SAMD5: variants seen among roughly 807,000 people sequenced by gnomAD.
The protein encoded by SAMD5 is sterile alpha motif domain containing 5, also known as sterile alpha motif domain-containing protein 5.
SAMD5 carries 13 observed loss-of-function variants against 11.3 expected under a neutral mutation model. The observed-to-expected ratio is 1.15, with a 90% confidence interval of 0.75 to 1.83. SAMD5 has a LOEUF of 1.83. Ranked by LOEUF, SAMD5 falls within the 40% of genes most tolerant of loss-of-function variation. The probability of loss-of-function intolerance (pLI) is 0.00; values close to 1 mark genes in which losing one functional copy is unlikely to be tolerated. For synonymous variants in SAMD5, 129 were observed against 111.3 expected (o/e 1.16, Z -1.00); for missense variants, 255 against 239.1 (o/e 1.07, Z -0.44).
chr6:147,638,154 T>C (rs929456445), intron 1 of SAMD5, among the ~76,000 whole-genome samples: 10 of 152,122 alleles, frequency 6.6e-5, no homozygotes, highest in Non-Finnish European at 1.5e-4. Flanking sequence ...GGGAAAAATA[T>C]AGCGTAATGC....
At chr6:147,587,979 G>T (rs943085806) in intron 1 of SAMD5, among the ~76,000 whole-genome samples, 1 of 152,098 alleles carries the variant, frequency 6.6e-6, no homozygotes, top group Non-Finnish European at 1.5e-5. Flanking sequence ...AAAATATGTC[G>T]TGGATCTACT....
the SAMD5 span, among the ~76,000 whole-genome samples, chr6:147,787,290 G>GT: frequency 6.6e-6 from 1 of 152,160 alleles, no homozygotes; most frequent in African/African-American, 2.4e-5. Context: ...GAGCAGGACA[G>GT]TGCCTCTAGA....
chr6:147,856,627 C>T, the SAMD5 span, among the ~76,000 whole-genome samples: 30 of 152,278 alleles, frequency 2.0e-4, no homozygotes, highest in African/African-American at 7.2e-4. Context: ...ACTTGGACTA[C>T]CACCAGAAAC....
the SAMD5 span, among the ~76,000 whole-genome samples, chr6:147,909,165 C>T: frequency 0.1 from 15,909 of 152,170 alleles, 1,103 homozygotes; most frequent in South Asian, 0.29. Context: ...GCTTTGCTTG[C>T]GCCACCACAC....
chr6:147,951,620 G>T, the SAMD5 span, among the ~76,000 whole-genome samples: 1 of 152,010 alleles, frequency 6.6e-6, no homozygotes, highest in Non-Finnish European at 1.5e-5. Flanking sequence ...GGGTTCCAGG[G>T]GATTGTGTGT....
At chr6:147,797,158 G>A in the SAMD5 span, among the ~76,000 whole-genome samples, 2 of 122,578 alleles carry the variant, frequency 1.6e-5, no homozygotes, top group African/African-American at 7.5e-5. Flanking sequence ...TTTTCAAAGG[G>A]AATGCTTCCA....
At chr6:147,603,793 A>C (rs538123711) in intron 1 of SAMD5, among the ~76,000 whole-genome samples, 3 of 152,224 alleles carry the variant, frequency 2.0e-5, no homozygotes, top group South Asian at 4.1e-4. Flanking sequence ...CAAAACAAAA[A>C]AAAACAACAA....
At chr6:147,824,120 A>G in the SAMD5 span, among the ~76,000 whole-genome samples, 1 of 152,130 alleles carries the variant, frequency 6.6e-6, no homozygotes. Flanking sequence ...TTCATTCAAC[A>G]CTTGGGTACT....
chr6:147,671,837 A>C (rs531459945), intron 1 of SAMD5, among the ~76,000 whole-genome samples: 9 of 150,174 alleles, frequency 6.0e-5, no homozygotes, highest in Non-Finnish European at 1.3e-4. Flanking sequence ...GGAAATTTAT[A>C]ATATGCTTTA....
intron 1 of SAMD5, among the ~76,000 whole-genome samples, chr6:147,528,060 C>T (rs1489919708): frequency 6.6e-6 from 1 of 152,024 alleles, no homozygotes; most frequent in East Asian, 1.9e-4. Context: ...GGGGATGCTG[C>T]TACACCATTC....
intron 1 of SAMD5, among the ~76,000 whole-genome samples, chr6:147,675,713 A>G (rs761709821): frequency 5.3e-5 from 8 of 152,212 alleles, no homozygotes; most frequent in Non-Finnish European, 8.8e-5. Context: ...GTCCAGTAAT[A>G]TAACTTAAAT....
At chr6:147,597,494 T>C (rs1789550201) in intron 1 of SAMD5, among the ~76,000 whole-genome samples, 1 of 152,214 alleles carries the variant, frequency 6.6e-6, no homozygotes, top group East Asian at 1.9e-4. Flanking sequence ...CTGTCGTGAA[T>C]TGATAACATT....
the SAMD5 span, among the ~76,000 whole-genome samples, chr6:147,895,099 G>A: frequency 6.6e-6 from 1 of 152,188 alleles, no homozygotes; most frequent in African/African-American, 2.4e-5. Flanking sequence ...TATAGGCATC[G>A]ATTTTATTTG....
At chr6:147,584,826 C>A (rs844556) in intron 1 of SAMD5, among the ~76,000 whole-genome samples, 27,064 of 152,054 alleles carry the variant, frequency 0.18, 2,444 homozygotes, top group Admixed American at 0.21. Flanking sequence ...TTATCCATGG[C>A]AAATATGTTA....
In SAMD5 at chr6:147,719,898, A is replaced by G. The variant is rs559569663; in HGVS notation, c.163-17419A>G. The stretch of plus-strand genomic sequence containing the variant: ...TCTACAGAAAGTTTGAGAGAAATGA[A>G]TAATCCGGGAAGATGCTCCATGCTT... On this transcript the variant is annotated intron_variant, in intron 1 of 1. Transcript: ENST00000566741. Among the ~76,000 whole-genome samples the G allele has an allele frequency of 1.2e-3, 177 of 152,342 alleles. 2 individuals carry two copies. The highest frequency in any genetic ancestry group is 2.0e-3 in the Non-Finnish European group (138 of 68,034).
At chr6:147,626,791 G>GAAAAAAAAAAAAAAAAAAAAAAAAAAAA (rs529975933) in intron 1 of SAMD5, among the ~76,000 whole-genome samples, 18 of 54,728 alleles carry the variant, frequency 3.3e-4, no homozygotes, top group Non-Finnish European at 6.7e-4. Flanking sequence ...CTGTTTCTAT[G>GAAAAAAAAAAAAAAAAAAAAAAAAAAAA]AAAAAAAAAA....
In SAMD5 at chr6:147,546,399, G is replaced by A. The variant is rs138633009; in HGVS notation, c.460-17995G>A. Among the ~76,000 whole-genome samples, 450 of 152,162 alleles carry A rather than the reference G, an allele frequency of 3.0e-3. 1 individual carries two copies. The highest frequency in any genetic ancestry group is 1.0e-2 in the African/African-American group (415 of 41,520). On this transcript the variant is annotated intron_variant, in intron 1 of 1. Transcript: ENST00000367474. ...ACAAAAATTTACCTGGTGTGGTGGC[G>A]CATGCCTGTAATCTCAGCTACTTGG...
intron 1 of SAMD5, among the ~76,000 whole-genome samples, chr6:147,686,910 T>C (rs1791020114): frequency 6.6e-6 from 1 of 152,146 alleles, no homozygotes; most frequent in African/African-American, 2.4e-5. Context: ...TACTCTAAGT[T>C]CTGGGATACA....
chr6:147,777,954 A>G, the SAMD5 span, among the ~76,000 whole-genome samples: 1 of 152,174 alleles, frequency 6.6e-6, no homozygotes, highest in Non-Finnish European at 1.5e-5. Flanking sequence ...GCTATTGTTA[A>G]TAATGCTGAT....
Sources: allele counts gnomAD v4.1 joint callset (sites outside exome capture counted in the v4.1 genomes callset), GRCh38; gene constraint gnomAD v4.1.1; transcripts MANE v1.5; gene names NCBI Gene and HGNC (gene_info 2026-07-23, HGNC 2026-07-21).